TMEM222: variants seen among roughly 807,000 people sequenced by gnomAD.
The protein encoded by TMEM222 is transmembrane protein 222.
TMEM222 carries 18 observed loss-of-function variants against 25.1 expected under a neutral mutation model. That is an observed-to-expected ratio of 0.72 (90% confidence interval 0.50 to 1.06). The LOEUF (loss-of-function observed/expected upper bound fraction) is 1.06. TMEM222 is among the 50% of genes least tolerant of loss of function. The probability of loss-of-function intolerance (pLI) is 0.00; values close to 1 mark genes in which losing one functional copy is unlikely to be tolerated. For missense variants in TMEM222, 296 were observed against 293.7 expected (o/e 1.01, Z -0.06); for synonymous variants, 131 against 117.9 (o/e 1.11, Z -0.72).
rs907385964 is a variant in TMEM222 at position 27,335,250 on chromosome 1, G to A, written c.540-129G>A. 4 of 853,526 alleles carry A rather than the reference G, an allele frequency of 4.7e-6. No individual in the cohort carries two copies. In the African/African-American group the frequency reaches 6.8e-5, roughly 14 times the overall value. 52.9% of individuals were successfully genotyped at this position (853,526 alleles called of 1,614,324 possible). A position where few individuals can be genotyped will look rare whatever the true frequency, so the allele number is the denominator to read the frequency against. ...TGCTTCCTTGATTGGCCAAGTTTGG[G>A]GTGAGGGGGTGGTTGGGTTTTCCTT... On this transcript the variant is annotated intron_variant, in intron 5 of 5. Transcript: ENST00000374076.
In TMEM222 at chr1:27,325,640, C is replaced by G. The variant is rs2014325522; in HGVS notation, c.194+3249C>G. On this transcript the variant is annotated intron_variant, in intron 1 of 5. Coordinates refer to ENST00000374076, the MANE Select transcript of TMEM222 (RefSeq NM_032125.3). ...AGATTAACGCCCTGGCATCCAGCAC[C>G]ATGAAGATCAAGCTCATTGTGCCCC... 7 of 855,786 alleles carry G rather than the reference C, an allele frequency of 8.2e-6. No individual in the cohort carries two copies. The Admixed American group carries it at 1.0e-4, about 12-fold the overall frequency. 53.0% of individuals were successfully genotyped at this position (855,786 alleles called of 1,614,324 possible). A position where few individuals can be genotyped will look rare whatever the true frequency, so the allele number is the denominator to read the frequency against.
At chr1:27,335,247 T>G in intron 5 of TMEM222, 132 bp from the exon 6 acceptor site, 1 of 838,490 alleles carries the variant, frequency 1.2e-6, no homozygotes, top group Admixed American at 2.0e-5. Context: ...TGGCCAAGTT[T>G]GGGGTGAGGG....
intron 1 of TMEM222, among the ~76,000 whole-genome samples, chr1:27,329,657 G>A (rs1025991102): frequency 1.3e-5 from 2 of 152,046 alleles, no homozygotes; most frequent in Non-Finnish European, 2.9e-5. Flanking sequence ...CAATTTTATT[G>A]AATTATAGTT....
Position 27,335,632 on chromosome 1 carries a change from G to A in TMEM222, c.*166G>A. The A allele has an allele frequency of 3.0e-6, 2 of 663,890 alleles. No individual in the cohort carries two copies. Among genetic ancestry groups the A allele is most frequent in the African/African-American group, 1.8e-5 (1 of 55,148 alleles). The allele number at this position is 663,890 out of a possible 1,614,324, so 41.1% of individuals were successfully genotyped here. On this transcript the variant is annotated 3_prime_UTR_variant, in exon 6 of 6. Transcript: ENST00000374076. ...GAAGGACTGAGGACCAGCATGAAGT[G>A]GGGGTTTGTTGTCTCCCTGCCTCTC...
At chr1:27,334,335 A>G (rs531675500) in intron 5 of TMEM222, 54 bp downstream of exon 5, 1 of 1,610,494 alleles carries the variant, frequency 6.2e-7, no homozygotes, top group African/African-American at 1.3e-5. Flanking sequence ...CTGCTCTCCC[A>G]AGGATCCTAG....
intron 5 of TMEM222, chr1:27,334,607 C>G: frequency 6.9e-7 from 1 of 1,442,500 alleles, no homozygotes. Flanking sequence ...GAGGCTTCTA[C>G]GGATCCCTGT....
rs536731867 is a variant in TMEM222 at position 27,329,552 on chromosome 1, T to G, written c.195-1168T>G. ...GTTGTGTGTAGCAGAAGTGACACTGTTTTTCATTGTTATGGACTATTTCAA... is the reference window on the plus strand; with the variant it reads ...GTTGTGTGTAGCAGAAGTGACACTGGTTTTCATTGTTATGGACTATTTCAA... On this transcript the variant is annotated intron_variant, in intron 1 of 5. Coordinates refer to ENST00000374076, the MANE Select transcript of TMEM222 (RefSeq NM_032125.3). 7.9e-5 allele frequency among the ~76,000 whole-genome samples: 12 copies of G among 152,314 alleles called. No homozygotes were observed. The South Asian group carries it at 2.5e-3, about 32-fold the overall frequency.
intron 1 of TMEM222, among the ~76,000 whole-genome samples, chr1:27,328,357 T>C (rs2014402738): frequency 6.6e-6 from 1 of 152,128 alleles, no homozygotes; most frequent in Non-Finnish European, 1.5e-5. Context: ...AAGGGATAAT[T>C]AGCACCACAG....
At chr1:27,330,871 G>T in intron 2 of TMEM222, 67 bp downstream of exon 2, 1 of 1,600,412 alleles carries the variant, frequency 6.2e-7, no homozygotes, top group Admixed American at 1.7e-5. Context: ...TGTCTTGCCT[G>T]CAGGCAGGCT....
chr1:27,330,171 C>G (rs1243325495), intron 1 of TMEM222, among the ~76,000 whole-genome samples: 1 of 151,720 alleles, frequency 6.6e-6, no homozygotes, highest in Non-Finnish European at 1.5e-5. Flanking sequence ...GGCCAAGGCA[C>G]GTGGATCACG....
intron 2 of TMEM222, 96 bp downstream of exon 2, chr1:27,330,900 G>T (rs2014463083): frequency 6.3e-7 from 1 of 1,591,422 alleles, no homozygotes; most frequent in Non-Finnish European, 8.6e-7. Flanking sequence ...CCAGACCCAG[G>T]AGAACGTAGA....
chr1:27,330,831 GGGT>G, intron 2 of TMEM222, 27 bp downstream of exon 2: 1 of 1,612,808 alleles, frequency 6.2e-7, no homozygotes, highest in South Asian at 1.1e-5. Context: ...CCCACCCGGG[GGGT>G]TCCAAGGTTT....
At chr1:27,328,855 C>G (rs956643680) in intron 1 of TMEM222, among the ~76,000 whole-genome samples, 1 of 152,338 alleles carries the variant, frequency 6.6e-6, no homozygotes, top group South Asian at 2.1e-4. Context: ...GCCTGCACCC[C>G]TAGCCAGGTG....
chr1:27,333,239 C>G (rs891770959), intron 3 of TMEM222: 14 of 441,142 alleles, frequency 3.2e-5, no homozygotes, highest in Non-Finnish European at 5.2e-5. Flanking sequence ...TCAGTCACTT[C>G]AGTTATGGGA....
Position 27,328,311 on chromosome 1 carries a change from G to A in TMEM222, c.195-2409G>A, listed in dbSNP as rs577965569. On this transcript the variant is annotated intron_variant, in intron 1 of 5. Coordinates refer to ENST00000374076, the MANE Select transcript of TMEM222 (RefSeq NM_032125.3). ...TTTGGCGTGTTTGAGGCCACAAGCA[G>A]GCAGTGTAGCTAGAGAGGGGACTGA... Among the ~76,000 whole-genome samples, 286 of 152,274 alleles carry A rather than the reference G, an allele frequency of 1.9e-3. 5 individuals are homozygous for A. The highest frequency in any genetic ancestry group is 3.8e-4 in the Non-Finnish European group (26 of 68,024).
At chr1:27,331,796 T>C (rs1243564089) in intron 2 of TMEM222, among the ~76,000 whole-genome samples, 1 of 152,242 alleles carries the variant, frequency 6.6e-6, no homozygotes, top group African/African-American at 2.4e-5. Flanking sequence ...AATTCCTGGG[T>C]GCCACACCAA....
intron 1 of TMEM222, chr1:27,325,133 G>A (rs958555865): frequency 2.3e-5 from 8 of 340,770 alleles, no homozygotes; most frequent in African/African-American, 6.4e-5. Context: ...CCTGTCTTTG[G>A]AGGAGAGATC....
chr1:27,323,011 T>C (rs768994131), intron 1 of TMEM222, among the ~76,000 whole-genome samples: 1 of 152,226 alleles, frequency 6.6e-6, no homozygotes. Flanking sequence ...TGGCGCCTTT[T>C]GGGAGGAGCT....
intron 1 of TMEM222, 55 bp downstream of exon 1, chr1:27,322,446 G>A: frequency 7.6e-7 from 1 of 1,320,442 alleles, no homozygotes; most frequent in South Asian, 2.1e-5. Context: ...GAGAGCCGGA[G>A]TCGGGCCGGG....
Sources: allele counts gnomAD v4.1 joint callset (sites outside exome capture counted in the v4.1 genomes callset), GRCh38; gene constraint gnomAD v4.1.1; transcripts MANE v1.5; gene names NCBI Gene and HGNC (gene_info 2026-07-23, HGNC 2026-07-21).